The following LRRC38 variants were observed in gnomAD, a reference collection of about 807,000 sequenced individuals.
LRRC38 encodes leucine rich repeat containing 38, also known as leucine-rich repeat-containing protein 38.
In LRRC38, 5 loss-of-function variants were observed where a neutral mutation model predicts 16.4. The ratio of observed to expected loss-of-function variants is 0.31; its 90% confidence interval spans 0.16 to 0.64. The LOEUF (loss-of-function observed/expected upper bound fraction) is 0.64, where lower values mean the gene tolerates loss of function less well. Among genes scored for constraint, LRRC38 ranks in the 30% least tolerant of loss-of-function variants. The pLI is 0.80. For synonymous variants in LRRC38, 191 were observed against 190.2 expected (o/e 1.00, Z -0.04); for missense variants, 341 against 401.8 (o/e 0.85, Z 1.29).
intron 1 of LRRC38, among the ~76,000 whole-genome samples, chr1:13,510,373 A>C (rs1639260828): frequency 6.6e-6 from 1 of 152,160 alleles, no homozygotes; most frequent in East Asian, 1.9e-4. Flanking sequence ...TCGCTTCTCT[A>C]GTCAAAACAG....
In LRRC38 at chr1:13,512,959, T is replaced by C; in HGVS notation, c.631+4A>G. ...CCTCCCCCAGCCTAGCCGGCTCGGC[T>C]CACCTTTGGGCAGTTTGGATGCGTT... On this transcript the variant is annotated splice_donor_region_variant and intron_variant, in intron 1 of 1. Transcript: ENST00000376085. The C allele has an allele frequency of 4.1e-6, 4 of 984,042 alleles. No homozygotes were observed. Among genetic ancestry groups the C allele is most frequent in the Non-Finnish European group, 5.5e-6 (4 of 721,384 alleles). The allele number at this position is 984,042 out of a possible 1,614,324, so 61.0% of individuals were successfully genotyped here.
rs767434556 is a variant in LRRC38, at chr1:13,475,818, G to C, written c.*28C>G. The C allele has an allele frequency of 2.6e-5, 40 of 1,545,292 alleles. No homozygotes were observed. The highest frequency in any genetic ancestry group is 2.4e-5 in the East Asian group (1 of 40,852). On this transcript the variant is annotated 3_prime_UTR_variant, in exon 2 of 2. Coordinates refer to ENST00000376085, the MANE Select transcript of LRRC38 (RefSeq NM_001010847.2). The surrounding 1 kb of genome is among the most constrained non-coding windows in gnomAD (Gnocchi z 4.3). ...AGAGAGCTTCTGGTTCGGTGCTGGAGAGTAAGAGGCAGGAGGGAGGAGGTG... is the reference window on the plus strand; with the variant it reads ...AGAGAGCTTCTGGTTCGGTGCTGGACAGTAAGAGGCAGGAGGGAGGAGGTG...
At chr1:13,507,095 G>C (rs1213383515) in intron 1 of LRRC38, among the ~76,000 whole-genome samples, 1 of 152,164 alleles carries the variant, frequency 6.6e-6, no homozygotes, top group Non-Finnish European at 1.5e-5. Context: ...CTGGTTTTTG[G>C]GGCCAGAGTA....
chr1:13,495,270 G>A (rs756958881), intron 1 of LRRC38, among the ~76,000 whole-genome samples: 6 of 152,220 alleles, frequency 3.9e-5, no homozygotes, highest in Non-Finnish European at 7.3e-5. Context: ...GAAGGTCAGT[G>A]TTCTGGCTCA....
chr1:13,506,980 T>C (rs1329197290), intron 1 of LRRC38, among the ~76,000 whole-genome samples: 3 of 152,196 alleles, frequency 2.0e-5, no homozygotes, highest in Non-Finnish European at 4.4e-5. Flanking sequence ...CCCTCCTGGG[T>C]TCCCCTGGGG....
intron 1 of LRRC38, among the ~76,000 whole-genome samples, chr1:13,503,091 A>C (rs908510961): frequency 6.6e-6 from 1 of 151,642 alleles, no homozygotes; most frequent in South Asian, 2.1e-4. Context: ...GGAGCCTCAG[A>C]CTCTTTCATC....
intron 1 of LRRC38, among the ~76,000 whole-genome samples, chr1:13,508,725 T>C (rs1160913483): frequency 1.3e-5 from 2 of 152,310 alleles, no homozygotes; most frequent in African/African-American, 4.8e-5. Context: ...GAAAAAGAAA[T>C]AGAGTCACCT....
intron 1 of LRRC38, among the ~76,000 whole-genome samples, chr1:13,480,642 A>G (rs1189433255): frequency 6.6e-6 from 1 of 152,118 alleles, no homozygotes; most frequent in Non-Finnish European, 1.5e-5. Context: ...CTGGTTGTGA[A>G]TAAGTCTCAC....
At chr1:13,495,011 A>C (rs1216452927) in intron 1 of LRRC38, among the ~76,000 whole-genome samples, 1 of 152,138 alleles carries the variant, frequency 6.6e-6, no homozygotes, top group African/African-American at 2.4e-5. Flanking sequence ...TGAAGCGGGG[A>C]AGCTAAGTTT....
At position 13,489,358 on chromosome 1, in the gene LRRC38, G is replaced by A. The variant is rs570056102; in HGVS notation, c.632-13259C>T. Among the ~76,000 whole-genome samples, 36 of 152,172 alleles carry A rather than the reference G, an allele frequency of 2.4e-4. 1 individual carries two copies. The highest frequency in any genetic ancestry group is 1.2e-4 in the Non-Finnish European group (8 of 68,016). ...TAACAGTAGCTTTTTGGCCTTTCAC[G>A]CCCACAGCCAGCCTTGGTTTCACAG... On this transcript the variant is annotated intron_variant, in intron 1 of 1. Coordinates refer to ENST00000376085, the MANE Select transcript of LRRC38 (RefSeq NM_001010847.2).
At chr1:13,496,836 G>T (rs1639085948) in intron 1 of LRRC38, among the ~76,000 whole-genome samples, 1 of 152,150 alleles carries the variant, frequency 6.6e-6, no homozygotes, top group Admixed American at 6.5e-5. Flanking sequence ...GGAGCAGGGG[G>T]ACAGGGAAGG....
At chr1:13,502,314 A>G (rs1639160683) in intron 1 of LRRC38, among the ~76,000 whole-genome samples, 1 of 152,104 alleles carries the variant, frequency 6.6e-6, no homozygotes, top group Admixed American at 6.5e-5. Context: ...CACTATTGAC[A>G]CTAGGCTGTC....
At position 13,496,516 on chromosome 1, in the gene LRRC38, C is replaced by T. The variant is rs559506969; in HGVS notation, c.631+16447G>A. On this transcript the variant is annotated intron_variant, in intron 1 of 1. Transcript: ENST00000376085. ...TTATCTCTGGTTAAGCCTCAAGTTG[C>T]TAACACTCCAACAAGAACCAGTTTA... Among the ~76,000 whole-genome samples the T allele has an allele frequency of 2.0e-5, 3 of 152,168 alleles. No homozygotes were observed. The East Asian group carries it at 5.8e-4, about 29-fold the overall frequency.
chr1:13,497,050 G>A (rs1316882473), intron 1 of LRRC38, among the ~76,000 whole-genome samples: 1 of 152,136 alleles, frequency 6.6e-6, no homozygotes, highest in Non-Finnish European at 1.5e-5. Flanking sequence ...GGAATCTGGG[G>A]TGCCCAGGCC....
chr1:13,504,547 C>T (rs1569936187), intron 1 of LRRC38, among the ~76,000 whole-genome samples: 1 of 151,796 alleles, frequency 6.6e-6, no homozygotes, highest in East Asian at 1.9e-4. Context: ...GTGGCAAAAC[C>T]CCGTCTCTAC....
At chr1:13,507,831 C>G (rs922922247) in intron 1 of LRRC38, among the ~76,000 whole-genome samples, 6 of 151,624 alleles carry the variant, frequency 4.0e-5, no homozygotes, top group Non-Finnish European at 2.9e-5. Flanking sequence ...AACTCCATCT[C>G]AAAACAAACA....
intron 1 of LRRC38, among the ~76,000 whole-genome samples, chr1:13,479,239 G>A (rs942144859): frequency 3.3e-5 from 5 of 151,450 alleles, no homozygotes; most frequent in Admixed American, 1.3e-4. Context: ...AGCCTACCCC[G>A]GCCAAAAACG....
rs997760507 is a variant in LRRC38, at chr1:13,498,276, T to G, written c.631+14687A>C. Among the ~76,000 whole-genome samples the G allele has an allele frequency of 4.6e-5, 7 of 151,498 alleles. 1 individual carries two copies. The South Asian group carries it at 1.0e-3, about 23-fold the overall frequency. ...AAAAAAAAAAGAGCCCAGTTTGTGT[T>G]TTAGCGCTTATTTCCCCACACGCAA... On this transcript the variant is annotated intron_variant, in intron 1 of 1. Transcript: ENST00000376085.
chr1:13,512,920 T>TTCCCCCCCCCC, intron 1 of LRRC38, 43 bp downstream of exon 1: 1 of 1,269,030 alleles, frequency 7.9e-7, no homozygotes, highest in South Asian at 1.4e-5. Context: ...GGCCTCTCCC[T>TTCCCCCCCCCC]GCCCCCCTCC....
Sources: allele counts gnomAD v4.1 joint callset (sites outside exome capture counted in the v4.1 genomes callset), GRCh38; gene constraint gnomAD v4.1.1; non-coding constraint Gnocchi (gnomAD v3.1); transcripts MANE v1.5; gene names NCBI Gene and HGNC (gene_info 2026-07-23, HGNC 2026-07-21).